The following ADAT1 variants were observed in gnomAD, a reference collection of about 807,000 sequenced individuals.
The protein encoded by ADAT1 is tRNA-specific adenosine deaminase 1.
ADAT1 carries 58 observed loss-of-function variants against 58.6 expected under a neutral mutation model. That is an observed-to-expected ratio of 0.99 (90% CI 0.80 to 1.23). The LOEUF (loss-of-function observed/expected upper bound fraction) is 1.23, where lower values mean the gene tolerates loss of function less well. Among genes scored for constraint, ADAT1 ranks in the 50% most tolerant of loss-of-function variants. The pLI is 0.00. For synonymous variants in ADAT1, 254 were observed against 220.8 expected, an observed-to-expected ratio of 1.15 and a Z score of -1.33; for missense variants, 741 against 608.6, an observed-to-expected ratio of 1.22 and a Z score of -2.29.
chr16:75,603,144 G>T lies in ADAT1; in HGVS notation c.1317C>A (p.Phe439Leu), dbSNP rs199818005. 5.0e-6 allele frequency: 8 copies of T among 1,614,080 alleles called. No homozygotes were observed. In the African/African-American group the frequency reaches 9.3e-5, roughly 19 times the overall value. Residue 439 changes from phenylalanine (F) to leucine (L), a missense_variant, in exon 9 of 10, where the codon TTC (phenylalanine) becomes TTA (leucine). Phe to Leu is a conservative substitution (Grantham distance 22). Transcript: ENST00000564657. ...TGCTTAGCAGCTTCTGGAATGATCT[G>T]AAGAGTTCCACTTTGCTGATTTGGG... Reference protein sequence around the residue: ...ARSQISKVELFRSFQKLLSRI... With the variant: ...ARSQISKVELLRSFQKLLSRI...
chr16:75,613,782 A>C (rs751799114), intron 5 of ADAT1, among the ~76,000 whole-genome samples: 11 of 152,200 alleles, frequency 7.2e-5, no homozygotes, highest in Non-Finnish European at 1.6e-4. Flanking sequence ...TGGGGAGCAA[A>C]ACTTTCCAAA....
rs753962389 is a variant in ADAT1 at position 75,616,162 on chromosome 16, C to G, written c.424+980G>C. Among the ~76,000 whole-genome samples, 45 of 152,084 alleles carry G rather than the reference C, an allele frequency of 3.0e-4. 1 individual carries two copies. The highest frequency in any genetic ancestry group is 2.6e-4 in the Non-Finnish European group (18 of 68,016). On this transcript the variant is annotated intron_variant, in intron 5 of 9. Transcript: ENST00000564657. ...TAGCTGGGATTACAGGCATGCACCA[C>G]CATGCCCAGCTAATTTTGTATATTT...
chr16:75,607,159 T>G (rs1453760934), intron 8 of ADAT1, among the ~76,000 whole-genome samples: 1 of 151,950 alleles, frequency 6.6e-6, no homozygotes, highest in Admixed American at 6.6e-5. Context: ...AATAAGTACA[T>G]AAAAAGATGC....
intron 4 of ADAT1, 118 bp from the exon 5 acceptor site, chr16:75,617,390 G>A: frequency 1.8e-6 from 2 of 1,111,574 alleles, no homozygotes; most frequent in Non-Finnish European, 2.6e-6. Context: ...GTAGTGATGG[G>A]GAATTATGAG....
intron 1 of ADAT1, among the ~76,000 whole-genome samples, chr16:75,621,917 C>G (rs1327978224): frequency 6.6e-6 from 1 of 152,118 alleles, no homozygotes; most frequent in Non-Finnish European, 1.5e-5. Context: ...GAAGGCCGGG[C>G]GCGGTGGCTC....
intron 6 of ADAT1, among the ~76,000 whole-genome samples, chr16:75,610,298 C>CTT (rs76848698): frequency 7.0e-4 from 101 of 143,264 alleles, no homozygotes; most frequent in Middle Eastern, 3.6e-3. Context: ...TACATATACA[C>CTT]TTTTTTTTTT....
rs554555737 is a variant in ADAT1 at position 75,597,063 on chromosome 16, G to C, written c.*3153C>G. The C allele has an allele frequency of 1.9e-5, 3 of 155,222 alleles. No homozygotes were observed. Among genetic ancestry groups the C allele is most frequent in the Non-Finnish European group, 4.3e-5 (3 of 69,766 alleles). The allele number at this position is 155,222 out of a possible 1,614,324, so 9.6% of individuals were successfully genotyped here. ...AGATTACTGATTGCCCTGGGGTAGG[G>C]GGCGTTGAGGAACGGGAAGTGACTG... On this transcript the variant is annotated 3_prime_UTR_variant, in exon 10 of 10. Coordinates refer to ENST00000564657, the MANE Select transcript of ADAT1 (RefSeq NM_001324445.2).
intron 3 of ADAT1, among the ~76,000 whole-genome samples, chr16:75,619,025 T>G (rs954156388): frequency 2.0e-5 from 3 of 152,174 alleles, no homozygotes; most frequent in Non-Finnish European, 4.4e-5. Context: ...TGAGAAACAT[T>G]AATTTATAGA....
chr16:75,607,120 C>T (rs891160621), intron 8 of ADAT1, among the ~76,000 whole-genome samples: 13 of 151,534 alleles, frequency 8.6e-5, no homozygotes, highest in African/African-American at 2.9e-4. Context: ...GTCCCAGCTA[C>T]TTGCGAGGCT....
intron 8 of ADAT1, among the ~76,000 whole-genome samples, chr16:75,605,924 T>G (rs1597099095): frequency 9.2e-6 from 1 of 108,884 alleles, no homozygotes; most frequent in East Asian, 2.5e-4. Context: ...GCGGTAAGGG[T>G]GAAACTCTGT....
intron 4 of ADAT1, among the ~76,000 whole-genome samples, chr16:75,617,770 C>G (rs1234600160): frequency 6.6e-6 from 1 of 151,332 alleles, no homozygotes; most frequent in Non-Finnish European, 1.5e-5. Context: ...CTAGGTTCTT[C>G]TGATGTACAA....
chr16:75,613,625 G>C (rs1014152991), intron 5 of ADAT1, among the ~76,000 whole-genome samples: 1 of 152,036 alleles, frequency 6.6e-6, no homozygotes, highest in Non-Finnish European at 1.5e-5. Flanking sequence ...ATGACACTTT[G>C]GACTGTATCA....
At chr16:75,613,544 C>T (rs372401246) in intron 5 of ADAT1, among the ~76,000 whole-genome samples, 1 of 152,124 alleles carries the variant, frequency 6.6e-6, no homozygotes, top group African/African-American at 2.4e-5. Context: ...CTCCTGACCT[C>T]GAGTGATCCG....
intron 8 of ADAT1, among the ~76,000 whole-genome samples, chr16:75,607,039 A>C (rs561098168): frequency 6.6e-6 from 1 of 152,156 alleles, no homozygotes; most frequent in African/African-American, 2.4e-5. Context: ...CAGCCTGGCC[A>C]ACATAGTGAA....
At chr16:75,618,098 C>CAAAAAAAAAAAAA (rs1163510620) in intron 4 of ADAT1, among the ~76,000 whole-genome samples, 9 of 32,538 alleles carry the variant, frequency 2.8e-4, no homozygotes, top group African/African-American at 6.9e-4. Context: ...ACCCTGTGTC[C>CAAAAAAAAAAAAA]AAAAAAAAAA....
In ADAT1 at chr16:75,598,170, G is replaced by T; in HGVS notation, c.*2046C>A. 4.3e-6 allele frequency: 1 copy of T among 231,126 alleles called. No homozygotes were observed. 14.3% of individuals were successfully genotyped at this position (231,126 alleles called of 1,614,324 possible). ...TGGCTCACTGCAACCTCCACCTCCT[G>T]GGTTTGAGAGATTCTTCTGCCTCAG... On this transcript the variant is annotated 3_prime_UTR_variant, in exon 10 of 10. Coordinates refer to ENST00000564657, the MANE Select transcript of ADAT1 (RefSeq NM_001324445.2).
intron 1 of ADAT1, 120 bp from the exon 2 acceptor site, chr16:75,620,940 G>T: frequency 1.4e-6 from 1 of 710,694 alleles, no homozygotes; most frequent in Non-Finnish European, 2.2e-6. Context: ...TCCCTATCTG[G>T]AACTCTATGG....
At position 75,620,423 on chromosome 16, in the gene ADAT1, G is replaced by A. The variant is rs2081894751; in HGVS notation, c.170-89C>T. 3.7e-5 allele frequency: 55 copies of A among 1,469,276 alleles called. 1 individual carries two copies. In the South Asian group the frequency reaches 6.2e-4, roughly 17 times the overall value. 91.0% of individuals were successfully genotyped at this position (1,469,276 alleles called of 1,614,324 possible). ...GATCAGCCTGCACACTCCTCTAGGG[G>A]ATTCCCAGAGGCCCACTCAACCAAG... On this transcript the variant is annotated intron_variant, in intron 2 of 9. Coordinates refer to ENST00000564657, the MANE Select transcript of ADAT1 (RefSeq NM_001324445.2).
intron 8 of ADAT1, among the ~76,000 whole-genome samples, chr16:75,603,494 C>G (rs192807004): frequency 6.6e-6 from 1 of 152,152 alleles, no homozygotes; most frequent in Admixed American, 6.5e-5. Flanking sequence ...AGGGTGCTGG[C>G]CCCTATGGGT....
Sources: gnomAD v4.1 joint callset for allele counts (sites outside exome capture counted in the v4.1 genomes callset) on GRCh38, gnomAD v4.1.1 for gene constraint, MANE v1.5 for transcripts, NCBI Gene and HGNC (gene_info 2026-07-23, HGNC 2026-07-21) for gene names.